FAT3: variants seen among roughly 807,000 people sequenced by gnomAD.
FAT3 encodes the protein FAT atypical cadherin 3.
FAT3 carries 95 observed loss-of-function variants against 310.2 expected under a neutral mutation model. The observed-to-expected ratio is 0.31, with a 90% CI of 0.26 to 0.36. FAT3 has a LOEUF of 0.36. FAT3 is among the 10% of genes least tolerant of loss of function. The probability of loss-of-function intolerance (pLI) is 1.00; values close to 1 mark genes in which losing one functional copy is unlikely to be tolerated. For synonymous variants in FAT3, 2,314 were observed against 2,192.9 expected (o/e 1.06, Z -1.54); for missense variants, 5,408 against 5,715.6 (o/e 0.95, Z 1.74).
chr11:92,339,911 G>A (rs1039631416), intron 1 of FAT3, among the ~76,000 whole-genome samples: 20 of 151,972 alleles, frequency 1.3e-4, no homozygotes, highest in Non-Finnish European at 2.5e-4. Context: ...AGGAGATCGA[G>A]ACCATCCTGG....
At chr11:92,558,739 G>T (rs192148605) in intron 3 of FAT3, among the ~76,000 whole-genome samples, 1 of 152,078 alleles carries the variant, frequency 6.6e-6, no homozygotes, top group Admixed American at 6.6e-5. Context: ...TAGCTGCTTT[G>T]CACCTGGCTG....
intron 1 of FAT3, among the ~76,000 whole-genome samples, chr11:92,259,496 CA>C (rs996498331): frequency 6.1e-5 from 9 of 147,722 alleles, no homozygotes; most frequent in Non-Finnish European, 9.0e-5. Context: ...TTGAAATTTC[CA>C]AAAAAAAGAC....
chr11:92,660,816 T>C (rs999845188), intron 3 of FAT3, among the ~76,000 whole-genome samples: 1 of 152,162 alleles, frequency 6.6e-6, no homozygotes, highest in Non-Finnish European at 1.5e-5. Flanking sequence ...AGGGCTTTCA[T>C]CATATAGCTG....
chr11:92,626,443 G>C (rs112234933), intron 3 of FAT3, among the ~76,000 whole-genome samples: 36 of 151,708 alleles, frequency 2.4e-4, no homozygotes, highest in African/African-American at 3.4e-4. Flanking sequence ...TCAAGAAAAA[G>C]GGAATTTGAA....
intron 1 of FAT3, among the ~76,000 whole-genome samples, chr11:92,341,574 C>T (rs148160066): frequency 1.5e-3 from 231 of 152,326 alleles, no homozygotes; most frequent in African/African-American, 5.1e-3. Context: ...TCTGGATTGT[C>T]AGCAAACTTT....
chr11:92,874,597 T>C (rs1268490676), intron 22 of FAT3, among the ~76,000 whole-genome samples: 1 of 152,214 alleles, frequency 6.6e-6, no homozygotes, highest in African/African-American at 2.4e-5. Flanking sequence ...TGAAGTGCAA[T>C]GGCGTGATCT....
At chr11:92,467,036 T>G (rs1295916851) in intron 2 of FAT3, among the ~76,000 whole-genome samples, 13 of 152,228 alleles carry the variant, frequency 8.5e-5, no homozygotes, top group African/African-American at 3.1e-4. Context: ...AGTGCCGCAA[T>G]AAACACGTGT....
At position 92,800,655 on chromosome 11, in the gene FAT3, A is replaced by G. The variant is rs756327140; in HGVS notation, c.7642A>G (p.Ser2548Gly). ...TGCCAAGGATCGATTCCTCATAGACAGCAATGGGCAGGTCATCACCACAGA... is the reference window on the plus strand; with the variant it reads ...TGCCAAGGATCGATTCCTCATAGACGGCAATGGGCAGGTCATCACCACAGA... Reference protein sequence around the residue: ...DFAKDRFLIDSNGQVITTERL... With the variant: ...DFAKDRFLIDGNGQVITTERL... The change falls in exon 10 of 28, where the codon AGC (serine) becomes GGC (glycine). Residue 2548 changes from serine (S) to glycine (G), a missense_variant. This residue lies in a region of FAT3 where 4,588 missense variants were observed against 4,809.8 expected (regional missense o/e 0.95). Transcript: ENST00000525166. 10 of 1,613,698 alleles carry G rather than the reference A, an allele frequency of 6.2e-6. No homozygotes were observed. The highest frequency in any genetic ancestry group is 8.5e-6 in the Non-Finnish European group (10 of 1,179,834).
intron 24 of FAT3, chr11:92,886,776 C>G: frequency 2.1e-6 from 1 of 474,328 alleles, no homozygotes; most frequent in South Asian, 3.2e-5. Flanking sequence ...TTTGGAAGCT[C>G]ATTTACTATG....
At chr11:92,879,953 T>TA (rs1235396792) in intron 22 of FAT3, among the ~76,000 whole-genome samples, 2 of 151,998 alleles carry the variant, frequency 1.3e-5, no homozygotes, top group Admixed American at 6.6e-5. Flanking sequence ...AAACAAATCT[T>TA]ACGGTTTTTT....
chr11:92,367,752 G>T (rs780627069), intron 2 of FAT3, among the ~76,000 whole-genome samples: 1 of 152,206 alleles, frequency 6.6e-6, no homozygotes, highest in Non-Finnish European at 1.5e-5. Flanking sequence ...GTTCCCTGTG[G>T]CCTTAGGCCC....
chr11:92,359,622 C>T (rs1469175369), intron 2 of FAT3, among the ~76,000 whole-genome samples: 3 of 145,348 alleles, frequency 2.1e-5, no homozygotes, highest in African/African-American at 7.8e-5. Context: ...AATGCTATCC[C>T]TCCCCGCTCC....
chr11:92,357,231 T>A (rs1182198519), intron 2 of FAT3, among the ~76,000 whole-genome samples: 1 of 152,200 alleles, frequency 6.6e-6, no homozygotes. Flanking sequence ...TAGACAGATC[T>A]TATTTAATTC....
At chr11:92,813,574 T>C (rs772335649) in intron 13 of FAT3, among the ~76,000 whole-genome samples, 12 of 152,182 alleles carry the variant, frequency 7.9e-5, no homozygotes, top group Non-Finnish European at 1.6e-4. Flanking sequence ...ACCCACTCCC[T>C]GCACCTGCTT....
chr11:92,837,307 C>T (rs4753417), intron 16 of FAT3, among the ~76,000 whole-genome samples: 59,641 of 152,040 alleles, frequency 0.39, 11,866 homozygotes, highest in East Asian at 0.46. Flanking sequence ...AACTATTGCA[C>T]TGAGCAAAGG....
At chr11:92,282,817 C>G (rs1198168844) in intron 1 of FAT3, among the ~76,000 whole-genome samples, 2 of 152,142 alleles carry the variant, frequency 1.3e-5, no homozygotes, top group East Asian at 3.9e-4. Context: ...AGCTTATGCT[C>G]TGTAAACGAT....
At chr11:92,691,354 A>G (rs1943793871) in intron 3 of FAT3, among the ~76,000 whole-genome samples, 1 of 152,114 alleles carries the variant, frequency 6.6e-6, no homozygotes, top group Non-Finnish European at 1.5e-5. Flanking sequence ...TAAAAAGGAA[A>G]CACTGAAGAA....
chr11:92,858,182 TC>T (rs1320887226), intron 20 of FAT3, among the ~76,000 whole-genome samples: 1 of 152,204 alleles, frequency 6.6e-6, no homozygotes, highest in Non-Finnish European at 1.5e-5. Flanking sequence ...GAAGCACTGT[TC>T]CTAAAAGTAG....
At chr11:92,871,920 AC>A (rs927276040) in intron 22 of FAT3, among the ~76,000 whole-genome samples, 15 of 152,194 alleles carry the variant, frequency 9.9e-5, no homozygotes, top group African/African-American at 3.6e-4. Context: ...AGGTAAACAG[AC>A]ATAGGACATT....
Sources: allele counts gnomAD v4.1 joint callset (sites outside exome capture counted in the v4.1 genomes callset), GRCh38; gene constraint gnomAD v4.1.1; regional missense constraint gnomAD v4.1.1; transcripts MANE v1.5; gene names NCBI Gene and HGNC (gene_info 2026-07-23, HGNC 2026-07-21).